The following KCND2 variants were observed in gnomAD, a reference collection of about 807,000 sequenced individuals.
KCND2 encodes potassium voltage-gated channel subfamily D member 2.
KCND2 carries 16 observed loss-of-function variants against 54.4 expected under a neutral mutation model. The ratio of observed to expected loss-of-function variants is 0.29; its 90% CI spans 0.20 to 0.45. The LOEUF is 0.45. Ranked by LOEUF, KCND2 falls within the 20% of genes least tolerant of loss-of-function variation. The pLI, the probability that KCND2 is intolerant of heterozygous loss-of-function variation, is 1.00. For synonymous variants in KCND2, 317 were observed against 310.7 expected, an observed-to-expected ratio of 1.02 and a Z score of -0.21; for missense variants, 486 against 824.2, an observed-to-expected ratio of 0.59 and a Z score of 5.02.
intron 1 of KCND2, among the ~76,000 whole-genome samples, chr7:120,708,819 G>A (rs1792502039): frequency 6.6e-6 from 1 of 151,984 alleles, no homozygotes; most frequent in Non-Finnish European, 1.5e-5. Context: ...GTGCAACTAT[G>A]CACTAATTTT....
In KCND2 at chr7:120,745,898, G is replaced by A; in HGVS notation, c.1586G>A (p.Cys529Tyr). ...TCACAACAAGGAGTCACCAGCACCT[G>A]CTGTTCACGACGACACAAAAAAACT... ...LSSQQGVTST[C>Y]CSRRHKKTFR... Residue 529 changes from cysteine to tyrosine, a missense_variant, in exon 5 of 6, where the codon TGC becomes TAC. Cys to Tyr is a radical substitution (Grantham distance 194). This residue lies in a region of KCND2 where 202 missense variants were observed against 252.7 expected (regional missense o/e 0.80). Transcript: ENST00000331113. The A allele has an allele frequency of 2.5e-6, 4 of 1,613,898 alleles. No individual in the cohort carries two copies. The highest frequency in any genetic ancestry group is 3.4e-6 in the Non-Finnish European group (4 of 1,179,854).
chr7:120,341,634 A>G (rs574632064), intron 1 of KCND2, among the ~76,000 whole-genome samples: 1 of 152,160 alleles, frequency 6.6e-6, no homozygotes, highest in East Asian at 1.9e-4. Context: ...GGATATGTCT[A>G]TAAATGACCT....
intron 1 of KCND2, among the ~76,000 whole-genome samples, chr7:120,513,023 T>C (rs1197131727): frequency 6.6e-6 from 1 of 152,056 alleles, no homozygotes; most frequent in Non-Finnish European, 1.5e-5. Context: ...CTTGAACTCC[T>C]GGCCTCAAGT....
At chr7:120,543,590 G>GT (rs1341008999) in intron 1 of KCND2, among the ~76,000 whole-genome samples, 1 of 151,798 alleles carries the variant, frequency 6.6e-6, no homozygotes, top group Non-Finnish European at 1.5e-5. Context: ...CCAAAATTTT[G>GT]TTTTTTTCTA....
At chr7:120,412,270 G>T (rs1169627288) in intron 1 of KCND2, among the ~76,000 whole-genome samples, 1 of 151,924 alleles carries the variant, frequency 6.6e-6, no homozygotes, top group East Asian at 1.9e-4. Flanking sequence ...CTTCACACAG[G>T]TTCCTCTCTT....
chr7:120,274,399 T>G lies in KCND2; in HGVS notation c.-234T>G. On this transcript the variant is annotated 5_prime_UTR_variant, in exon 1 of 6. Transcript: ENST00000331113. Reference sequence around the variant, plus strand: ...TTTGGCTGGGTTCTGTTGAGGGTGATTGTTAGGACGTTGTATTTTGTTGCC... The same window carrying G: ...TTTGGCTGGGTTCTGTTGAGGGTGAGTGTTAGGACGTTGTATTTTGTTGCC... 1.7e-6 allele frequency: 1 copy of G among 604,250 alleles called. No individual in the cohort carries two copies. Among genetic ancestry groups the G allele is most frequent in the Admixed American group, 2.9e-5 (1 of 34,010 alleles). The allele number at this position is 604,250 out of a possible 1,614,324, so 37.4% of individuals were successfully genotyped here.
chr7:120,733,309 T>A (rs1792830696), intron 2 of KCND2, among the ~76,000 whole-genome samples: 1 of 152,098 alleles, frequency 6.6e-6, no homozygotes, highest in African/African-American at 2.4e-5. Context: ...ATCTTGACAG[T>A]GTACTTCTGC....
chr7:120,275,778 G>T (rs1356834331), intron 1 of KCND2, 31 bp downstream of exon 1: 1 of 1,598,912 alleles, frequency 6.3e-7, no homozygotes, highest in African/African-American at 1.3e-5. Flanking sequence ...TGGGATGGAG[G>T]TTGGGTATGG....
intron 1 of KCND2, among the ~76,000 whole-genome samples, chr7:120,702,117 A>C (rs1378042018): frequency 2.0e-5 from 3 of 152,096 alleles, no homozygotes; most frequent in African/African-American, 7.2e-5. Flanking sequence ...AGAAAAAAAA[A>C]CATTAAAAAG....
chr7:120,695,123 C>T (rs1792317644), intron 1 of KCND2, among the ~76,000 whole-genome samples: 1 of 151,976 alleles, frequency 6.6e-6, no homozygotes, highest in African/African-American at 2.4e-5. Flanking sequence ...ATGCTAAATA[C>T]ATGATGTAGC....
At chr7:120,388,248 A>G (rs1270537298) in intron 1 of KCND2, among the ~76,000 whole-genome samples, 1 of 152,084 alleles carries the variant, frequency 6.6e-6, no homozygotes, top group Non-Finnish European at 1.5e-5. Flanking sequence ...AAGTTCAACT[A>G]TAAATCCATA....
At chr7:120,628,557 TGA>T (rs896907594) in intron 1 of KCND2, among the ~76,000 whole-genome samples, 1 of 152,192 alleles carries the variant, frequency 6.6e-6, no homozygotes, top group African/African-American at 2.4e-5. Flanking sequence ...AGTCAAGATT[TGA>T]GAGGAGGTTC....
intron 1 of KCND2, among the ~76,000 whole-genome samples, chr7:120,652,990 G>T (rs1441999937): frequency 6.6e-6 from 1 of 152,076 alleles, no homozygotes; most frequent in African/African-American, 2.4e-5. Flanking sequence ...GTGACAGCAA[G>T]ACCTGAGATG....
chr7:120,709,902 G>A (rs1427737508), intron 1 of KCND2, among the ~76,000 whole-genome samples: 1 of 152,132 alleles, frequency 6.6e-6, no homozygotes, highest in Non-Finnish European at 1.5e-5. Context: ...TGCATGGTGT[G>A]CATTATTCCT....
At chr7:120,537,637 A>G (rs1791928635) in intron 1 of KCND2, among the ~76,000 whole-genome samples, 1 of 152,206 alleles carries the variant, frequency 6.6e-6, no homozygotes, top group South Asian at 2.1e-4. Context: ...TTAACTTAGC[A>G]AGATCTGGAA....
intron 1 of KCND2, among the ~76,000 whole-genome samples, chr7:120,515,646 G>A (rs1430771483): frequency 6.6e-6 from 1 of 152,070 alleles, no homozygotes; most frequent in Non-Finnish European, 1.5e-5. Flanking sequence ...ACAGAGTTGG[G>A]ACTCACCACC....
chr7:120,538,854 G>A (rs1229785262), intron 1 of KCND2, among the ~76,000 whole-genome samples: 1 of 152,100 alleles, frequency 6.6e-6, no homozygotes, highest in Non-Finnish European at 1.5e-5. Flanking sequence ...CTGCTCCCAG[G>A]GGCTGTGGAT....
intron 1 of KCND2, among the ~76,000 whole-genome samples, chr7:120,324,122 C>G (rs566288815): frequency 6.6e-6 from 1 of 151,524 alleles, no homozygotes; most frequent in African/African-American, 2.4e-5. Context: ...TGTTCATGTC[C>G]TTCACCCACT....
intron 1 of KCND2, among the ~76,000 whole-genome samples, chr7:120,588,443 T>TGTGTGTGTG (rs1792628532): frequency 1.8e-5 from 1 of 54,298 alleles, no homozygotes; most frequent in South Asian, 6.6e-4. Flanking sequence ...GTGTGTGTGT[T>TGTGTGTGTG]TCCTTGAGTG....
Sources: gnomAD v4.1 joint callset for allele counts (sites outside exome capture counted in the v4.1 genomes callset) on GRCh38, gnomAD v4.1.1 for gene constraint, gnomAD v4.1.1 regional missense constraint, MANE v1.5 for transcripts, NCBI Gene and HGNC (gene_info 2026-07-23, HGNC 2026-07-21) for gene names.